Variants in TENT2 observed in about 807,000 individuals in gnomAD.
TENT2 encodes poly(A) RNA polymerase GLD2.
Under a neutral mutation model 72.2 loss-of-function variants are expected in TENT2, and 44 were observed. The observed-to-expected ratio is 0.61, with a 90% confidence interval of 0.48 to 0.78. The LOEUF is 0.78. Among genes scored for constraint, TENT2 ranks in the 30% least tolerant of loss-of-function variants. The pLI, the probability that TENT2 is intolerant of heterozygous loss-of-function variation, is 0.00. For synonymous variants in TENT2, 212 were observed against 192.5 expected (o/e 1.10, Z -0.84); for missense variants, 541 against 569.6 (o/e 0.95, Z 0.51).
chr5:79,671,297 C>T (rs1435187036), intron 12 of TENT2, among the ~76,000 whole-genome samples: 1 of 151,920 alleles, frequency 6.6e-6, no homozygotes, highest in Admixed American at 6.6e-5. Flanking sequence ...AGAATGTAGT[C>T]ATGGTAATAA....
At chr5:79,635,739 G>C (rs1779588492) in intron 4 of TENT2, among the ~76,000 whole-genome samples, 1 of 152,098 alleles carries the variant, frequency 6.6e-6, no homozygotes, top group Non-Finnish European at 1.5e-5. Flanking sequence ...TATTTTAGTA[G>C]AGACAGGGTT....
At chr5:79,652,220 A>G (rs1037407960) in intron 10 of TENT2, among the ~76,000 whole-genome samples, 3 of 152,052 alleles carry the variant, frequency 2.0e-5, no homozygotes, top group African/African-American at 7.2e-5. Flanking sequence ...AAGTACTCTT[A>G]AATTTTCTAG....
intron 14 of TENT2, among the ~76,000 whole-genome samples, chr5:79,683,779 G>T (rs572718543): frequency 5.6e-4 from 84 of 150,832 alleles, no homozygotes; most frequent in African/African-American, 1.9e-3. Flanking sequence ...AATTAGCCGG[G>T]TGTAGTGGCG....
chr5:79,638,042 C>T (rs1781572895), intron 4 of TENT2, among the ~76,000 whole-genome samples: 1 of 152,092 alleles, frequency 6.6e-6, no homozygotes, highest in Admixed American at 6.5e-5. Context: ...TCGTGATCTG[C>T]CTGCATTGGC....
intron 12 of TENT2, among the ~76,000 whole-genome samples, chr5:79,671,670 A>C (rs1172828816): frequency 6.6e-6 from 1 of 152,052 alleles, no homozygotes; most frequent in Non-Finnish European, 1.5e-5. Context: ...CGGCCTCCAA[A>C]AGTGCTAGGA....
chr5:79,643,014 A>G (rs2150459320), intron 7 of TENT2, 104 bp downstream of exon 7: 2 of 1,322,894 alleles, frequency 1.5e-6, no homozygotes, highest in Non-Finnish European at 2.0e-6. Context: ...GGTCAGGATC[A>G]GTATAATATG....
Position 79,635,053 on chromosome 5 carries a change from A to G in TENT2, c.466-5798A>G, listed in dbSNP as rs574817707. 5.3e-5 allele frequency among the ~76,000 whole-genome samples: 8 copies of G among 152,304 alleles called. No homozygotes were observed. The East Asian group carries it at 1.4e-3, about 26-fold the overall frequency. ...AATTAAAGAATATTTTTGGAGTGCCATTATGCATGGTCAGCTTGTTATTAC... is the reference window on the plus strand; with the variant it reads ...AATTAAAGAATATTTTTGGAGTGCCGTTATGCATGGTCAGCTTGTTATTAC... On this transcript the variant is annotated intron_variant, in intron 4 of 14. Transcript: ENST00000453514.
In TENT2 at chr5:79,631,002, A is replaced by T. The variant is rs1244611960; in HGVS notation, c.465+7513A>T. On this transcript the variant is annotated intron_variant, in intron 4 of 14. Coordinates refer to ENST00000453514, the MANE Select transcript of TENT2 (RefSeq NM_001114394.3). ...AGTTAAGATGAAGAGAAATTGATGG[A>T]TTTAAGCTGTATTTTAGAGGTGGAA... is the stretch of plus-strand genomic sequence containing the variant. 3.3e-5 allele frequency among the ~76,000 whole-genome samples: 5 copies of T among 152,088 alleles called. No homozygotes were observed. In the East Asian group the frequency reaches 9.6e-4, roughly 29 times the overall value.
At position 79,623,378 on chromosome 5, in the gene TENT2, A is replaced by G. The variant is rs1766699279; in HGVS notation, c.354A>G (p.Pro118=). 13 of 1,613,626 alleles carry G rather than the reference A, an allele frequency of 8.1e-6. No homozygotes were observed. Among genetic ancestry groups the G allele is most frequent in the Non-Finnish European group, 1.1e-5 (13 of 1,179,734 alleles). The stretch of plus-strand genomic sequence containing the variant: ...CAGGTGAACGAAGATACTCAATGCC[A>G]CCATTGTTTCATACACATTATGTAC... The part of the protein sequence containing the change: ...PLSGERRYSM[P]PLFHTHYVPD... The change falls in exon 4 of 15, where the codon CCA becomes CCG. Residue 118 remains proline (P), a synonymous_variant. Coordinates refer to ENST00000453514, the MANE Select transcript of TENT2 (RefSeq NM_001114394.3).
In TENT2 at chr5:79,683,437, G is replaced by C. The variant is rs563437575; in HGVS notation, c.1380+1376G>C. On this transcript the variant is annotated intron_variant, in intron 14 of 14. Coordinates refer to ENST00000453514, the MANE Select transcript of TENT2 (RefSeq NM_001114394.3). Reference sequence around the variant, plus strand: ...GTGGAGAGAAAAGCCTTGAGCCCAGGAGGTTGAGGGTGCAGTGAGCTGTGA... The same window carrying C: ...GTGGAGAGAAAAGCCTTGAGCCCAGCAGGTTGAGGGTGCAGTGAGCTGTGA... 2.8e-3 allele frequency among the ~76,000 whole-genome samples: 429 copies of C among 152,238 alleles called. 3 individuals carry two copies. Among genetic ancestry groups the C allele is most frequent in the Non-Finnish European group, 5.0e-3 (339 of 68,022 alleles).
At chr5:79,620,557 T>C (rs1403155612) in intron 3 of TENT2, 2 of 152,912 alleles carry the variant, frequency 1.3e-5, no homozygotes, top group African/African-American at 4.8e-5. Flanking sequence ...CTTCTTTTCT[T>C]GCCTTGTAGA....
chr5:79,644,182 A>G (rs1208755948), intron 7 of TENT2, among the ~76,000 whole-genome samples: 1 of 152,058 alleles, frequency 6.6e-6, no homozygotes, highest in Non-Finnish European at 1.5e-5. Flanking sequence ...GGGTTTCGCC[A>G]TGTTGGCCAG....
At chr5:79,681,164 T>TC (rs1821480561) in intron 13 of TENT2, among the ~76,000 whole-genome samples, 1 of 129,070 alleles carries the variant, frequency 7.7e-6, no homozygotes, top group Non-Finnish European at 1.7e-5. Context: ...TTTTTTTTTT[T>TC]TTTTTTTTTT....
At chr5:79,649,392 TTTTTTA>T (rs1791798912) in intron 10 of TENT2, among the ~76,000 whole-genome samples, 1 of 151,912 alleles carries the variant, frequency 6.6e-6, no homozygotes, top group African/African-American at 2.4e-5. Context: ...CACTGTTTTT[TTTTTTA>T]TTTTTTGGAA....
intron 4 of TENT2, among the ~76,000 whole-genome samples, chr5:79,634,867 G>C (rs981185003): frequency 6.9e-6 from 1 of 145,842 alleles, no homozygotes; most frequent in African/African-American, 2.5e-5. Flanking sequence ...TTTTTTTTTT[G>C]AGATGGGGTC....
At chr5:79,676,161 T>C (rs1407949944) in intron 12 of TENT2, among the ~76,000 whole-genome samples, 2 of 121,032 alleles carry the variant, frequency 1.7e-5, no homozygotes, top group African/African-American at 8.7e-5. Flanking sequence ...CATATATATG[T>C]ATACACACAC....
rs560532371 is a variant in TENT2 at position 79,679,944 on chromosome 5, A to T, written c.1300+274A>T. On this transcript the variant is annotated intron_variant, in intron 13 of 14. Coordinates refer to ENST00000453514, the MANE Select transcript of TENT2 (RefSeq NM_001114394.3). Reference sequence around the variant, plus strand: ...GTTGATGGATAATTTCATGACTTACAGATGGAAGAAAATAGAATCTTTATA... The same window carrying T: ...GTTGATGGATAATTTCATGACTTACTGATGGAAGAAAATAGAATCTTTATA... Among the ~76,000 whole-genome samples, 9 of 152,320 alleles carry T rather than the reference A, an allele frequency of 5.9e-5. No homozygotes were observed. In the East Asian group the frequency reaches 1.7e-3, roughly 29 times the overall value.
At chr5:79,664,597 A>G (rs77161577) in intron 11 of TENT2, among the ~76,000 whole-genome samples, 2 of 147,960 alleles carry the variant, frequency 1.4e-5, no homozygotes, top group African/African-American at 5.0e-5. Context: ...TCTGTCTCAA[A>G]AAAAAAAAAA....
intron 11 of TENT2, among the ~76,000 whole-genome samples, chr5:79,658,255 C>G (rs1291492007): frequency 6.6e-6 from 1 of 151,966 alleles, no homozygotes; most frequent in Non-Finnish European, 1.5e-5. Context: ...AGCTAAGGAT[C>G]AGTCTTTATG....
Sources: gnomAD v4.1 joint callset for allele counts (sites outside exome capture counted in the v4.1 genomes callset) on GRCh38, gnomAD v4.1.1 for gene constraint, MANE v1.5 for transcripts, NCBI Gene and HGNC (gene_info 2026-07-23, HGNC 2026-07-21) for gene names.